The following HDAC9 variants were observed in gnomAD, a reference collection of about 807,000 sequenced individuals.
HDAC9 encodes histone deacetylase 9.
Under a neutral mutation model 139.4 loss-of-function variants are expected in HDAC9, and 41 were observed. The ratio of observed to expected loss-of-function variants is 0.29; its 90% CI spans 0.23 to 0.38. The LOEUF (loss-of-function observed/expected upper bound fraction) is 0.38. Ranked by LOEUF, HDAC9 falls within the 10% of genes least tolerant of loss-of-function variation. The pLI is 1.00. For missense variants in HDAC9, 1,147 were observed against 1,297.0 expected (o/e 0.88, Z 1.78); for synonymous variants, 517 against 476.2 (o/e 1.09, Z -1.12).
At chr7:18,221,932 C>T (rs1584711709) in intron 2 of HDAC9, among the ~76,000 whole-genome samples, 1 of 152,240 alleles carries the variant, frequency 6.6e-6, no homozygotes, top group East Asian at 1.9e-4. Context: ...TGCAAAATAT[C>T]TGATCTCAAG....
chr7:18,409,557 A>C (rs1788349762), intron 1 of HDAC9, among the ~76,000 whole-genome samples: 1 of 152,182 alleles, frequency 6.6e-6, no homozygotes, highest in African/African-American at 2.4e-5. Flanking sequence ...CTTGTCTCAG[A>C]AATTGCTTCT....
At chr7:18,595,912 A>G (rs1832344147) in intron 6 of HDAC9, among the ~76,000 whole-genome samples, 1 of 152,082 alleles carries the variant, frequency 6.6e-6, no homozygotes, top group Admixed American at 6.6e-5. Context: ...AATAAATAAC[A>G]AGCTGTTAAT....
intron 25 of HDAC9, among the ~76,000 whole-genome samples, chr7:18,977,919 G>GACAGACAGACACACACAC (rs1422767293): frequency 1.4e-5 from 2 of 140,930 alleles, no homozygotes; most frequent in African/African-American, 5.4e-5. Context: ...CAGACAGACA[G>GACAGACAGACACACACAC]ACACACACAC....
intron 6 of HDAC9, among the ~76,000 whole-genome samples, chr7:18,612,528 G>T (rs545825087): frequency 1.3e-5 from 2 of 151,966 alleles, no homozygotes; most frequent in Non-Finnish European, 2.9e-5. Context: ...AGAGAACTGA[G>T]GAGTCTCACT....
intron 2 of HDAC9, among the ~76,000 whole-genome samples, chr7:18,207,559 A>ATTTTTTTTTTTTTTTTTT (rs1584636090): frequency 1.1e-3 from 40 of 37,358 alleles, no homozygotes; most frequent in African/African-American, 1.1e-3. Context: ...TTTTTTTTTG[A>ATTTTTTTTTTTTTTTTTT]TTTGAGCTTT....
At chr7:18,626,040 C>A (rs1381453432) in intron 6 of HDAC9, among the ~76,000 whole-genome samples, 1 of 147,562 alleles carries the variant, frequency 6.8e-6, no homozygotes, top group African/African-American at 2.5e-5. Flanking sequence ...GGGTCATAGA[C>A]TTTTATGAAG....
chr7:18,645,316 A>C (rs1271812811), intron 9 of HDAC9, among the ~76,000 whole-genome samples: 5 of 152,202 alleles, frequency 3.3e-5, no homozygotes, highest in Non-Finnish European at 5.9e-5. Context: ...GTACTGGCGA[A>C]TATGTATCTG....
chr7:18,502,355 G>C (rs1798620110), intron 2 of HDAC9: 1 of 152,104 alleles, frequency 6.6e-6, no homozygotes, highest in South Asian at 2.1e-4. Context: ...TTTTTCAGAG[G>C]AGTGGGACCC....
At chr7:18,450,936 C>T (rs1298653192) in intron 1 of HDAC9, among the ~76,000 whole-genome samples, 1 of 152,130 alleles carries the variant, frequency 6.6e-6, no homozygotes, top group Non-Finnish European at 1.5e-5. Flanking sequence ...TGTCAAATGT[C>T]ATACGTGTTT....
intron 1 of HDAC9, among the ~76,000 whole-genome samples, chr7:18,399,975 G>T (rs559501952): frequency 5.9e-5 from 9 of 152,308 alleles, no homozygotes; most frequent in Admixed American, 5.9e-4. Context: ...TACTGTCCTT[G>T]TGTCAGGGTA....
intron 21 of HDAC9, among the ~76,000 whole-genome samples, chr7:18,868,645 A>C (rs1041043131): frequency 1.3e-5 from 2 of 151,750 alleles, no homozygotes; most frequent in Middle Eastern, 3.4e-3. Context: ...TTTTTTTCTT[A>C]GTAGGTTGGT....
intron 21 of HDAC9, among the ~76,000 whole-genome samples, chr7:18,844,045 C>T (rs1238453932): frequency 6.6e-6 from 1 of 152,168 alleles, no homozygotes; most frequent in Non-Finnish European, 1.5e-5. Flanking sequence ...CTCAATTTTC[C>T]ATATTTCATC....
chr7:18,685,808 A>G (rs916204437), intron 12 of HDAC9, among the ~76,000 whole-genome samples: 1 of 152,036 alleles, frequency 6.6e-6, no homozygotes, highest in African/African-American at 2.4e-5. Flanking sequence ...GTCATAAAAT[A>G]TATGCAGAAA....
chr7:18,705,230 A>G (rs1301089110), intron 12 of HDAC9, among the ~76,000 whole-genome samples: 3 of 152,298 alleles, frequency 2.0e-5, no homozygotes, highest in East Asian at 3.9e-4. Context: ...CCAAAATGTC[A>G]GCCCCTTGAT....
chr7:18,589,762 T>C lies in HDAC9; in HGVS notation c.265-574T>C, dbSNP rs77346378. Among the ~76,000 whole-genome samples, 777 of 152,298 alleles carry C rather than the reference T, an allele frequency of 5.1e-3. 4 individuals are homozygous for C. Among genetic ancestry groups the C allele is most frequent in the African/African-American group, 0.018 (731 of 41,556 alleles). ...GATATTTTGAGAGACTATATGTATA[T>C]AATATATTCTACATATTATGAATAT... On this transcript the variant is annotated intron_variant, in intron 3 of 25. Transcript: ENST00000686413.
At chr7:18,329,983 A>ATG (rs35227059) in intron 1 of HDAC9, among the ~76,000 whole-genome samples, 42,484 of 111,660 alleles carry the variant, frequency 0.38, 6,080 homozygotes, top group East Asian at 0.51. Flanking sequence ...GCTTGTGTGT[A>ATG]TGTGTGTGTG....
At chr7:18,294,829 T>C (rs1798038275) in intron 1 of HDAC9, among the ~76,000 whole-genome samples, 1 of 152,090 alleles carries the variant, frequency 6.6e-6, no homozygotes, top group Non-Finnish European at 1.5e-5. Flanking sequence ...AGTCCAAAAA[T>C]GATGGCCACT....
intron 3 of HDAC9, among the ~76,000 whole-genome samples, chr7:18,587,386 G>A (rs987079549): frequency 2.0e-5 from 3 of 152,102 alleles, no homozygotes; most frequent in Admixed American, 6.5e-5. Flanking sequence ...TGTTTTCTTA[G>A]AAACCAAAGA....
intron 1 of HDAC9, among the ~76,000 whole-genome samples, chr7:18,332,556 G>T (rs990025580): frequency 2.0e-5 from 3 of 151,552 alleles, no homozygotes; most frequent in African/African-American, 7.3e-5. Flanking sequence ...TGCATTGGAA[G>T]GGAGCTATGG....
Sources: allele counts gnomAD v4.1 joint callset (sites outside exome capture counted in the v4.1 genomes callset), GRCh38; gene constraint gnomAD v4.1.1; transcripts MANE v1.5; gene names NCBI Gene and HGNC (gene_info 2026-07-23, HGNC 2026-07-21).